Variants in SHISAL1 observed in about 807,000 individuals in gnomAD.
SHISAL1 encodes shisa like 1, also known as protein shisa-like-1.
Under a neutral mutation model 22.6 loss-of-function variants are expected in SHISAL1, and 9 were observed. The observed-to-expected ratio is 0.40, with a 90% confidence interval of 0.24 to 0.70. The LOEUF (loss-of-function observed/expected upper bound fraction) is 0.70. SHISAL1 is among the 30% of genes least tolerant of loss of function. The probability of loss-of-function intolerance (pLI) is 0.39; values close to 1 mark genes in which losing one functional copy is unlikely to be tolerated. For synonymous variants in SHISAL1, 119 were observed against 115.4 expected, an observed-to-expected ratio of 1.03 and a Z score of -0.20; for missense variants, 246 against 270.6, an observed-to-expected ratio of 0.91 and a Z score of 0.64.
intron 3 of SHISAL1, among the ~76,000 whole-genome samples, chr22:44,287,622 C>T (rs2055325371): frequency 6.6e-6 from 1 of 152,044 alleles, no homozygotes; most frequent in Admixed American, 6.5e-5. Context: ...GTGTAAATGA[C>T]TGACAGCCAG....
the SHISAL1 span, among the ~76,000 whole-genome samples, chr22:44,318,812 AC>A: frequency 6.6e-6 from 1 of 152,100 alleles, no homozygotes; most frequent in Non-Finnish European, 1.5e-5. Context: ...GCTGTTCATG[AC>A]CCTCGGGTGA....
In SHISAL1 at chr22:44,296,656, C is replaced by T; in HGVS notation, c.281+16G>A. On this transcript the variant is annotated intron_variant, in intron 3 of 4. Coordinates refer to ENST00000381176, the MANE Select transcript of SHISAL1 (RefSeq NM_001099294.2). Reference sequence around the variant, plus strand: ...GGCCCGAGGCAGTGGGGTTGCACCCCCAGAGTGGCACTCACTTGTGCATGT... The same window carrying T: ...GGCCCGAGGCAGTGGGGTTGCACCCTCAGAGTGGCACTCACTTGTGCATGT... The T allele has an allele frequency of 6.2e-7, 1 of 1,611,710 alleles. No homozygotes were observed. Among genetic ancestry groups the T allele is most frequent in the Non-Finnish European group, 8.5e-7 (1 of 1,178,872 alleles).
At chr22:44,287,692 C>T (rs2055325774) in intron 3 of SHISAL1, among the ~76,000 whole-genome samples, 1 of 152,198 alleles carries the variant, frequency 6.6e-6, no homozygotes, top group Non-Finnish European at 1.5e-5. Context: ...TTCCTGGAGG[C>T]ATCTGGATAT....
chr22:44,293,948 T>C (rs2055369648), intron 3 of SHISAL1, among the ~76,000 whole-genome samples: 1 of 152,218 alleles, frequency 6.6e-6, no homozygotes, highest in Non-Finnish European at 1.5e-5. Flanking sequence ...GTGTTCCGTG[T>C]GAAATCCTGT....
chr22:44,249,722 G>A, intron 4 of SHISAL1, 37 bp from the exon 5 acceptor site: 4 of 778,736 alleles, frequency 5.1e-6, no homozygotes, highest in Non-Finnish European at 9.6e-6. Context: ...ATCACATGGT[G>A]TCTCCTCCAT....
chr22:44,311,955 A>G (rs1324748939), intron 1 of SHISAL1, among the ~76,000 whole-genome samples: 1 of 152,226 alleles, frequency 6.6e-6, no homozygotes, highest in Non-Finnish European at 1.5e-5. Flanking sequence ...ACACAAAAAT[A>G]TCACATGAAG....
the SHISAL1 span, among the ~76,000 whole-genome samples, chr22:44,318,473 G>C: frequency 6.6e-6 from 1 of 152,236 alleles, no homozygotes; most frequent in East Asian, 1.9e-4. Flanking sequence ...GCGGAGGCTG[G>C]CCACAGCCAT....
the SHISAL1 span, among the ~76,000 whole-genome samples, chr22:44,330,048 C>T: frequency 2.0e-5 from 3 of 152,324 alleles, no homozygotes; most frequent in Admixed American, 6.5e-5. Flanking sequence ...CAGCCAGCAG[C>T]GAGATTCACA....
intron 4 of SHISAL1, among the ~76,000 whole-genome samples, chr22:44,264,879 G>A (rs1464989130): frequency 1.3e-5 from 2 of 151,114 alleles, no homozygotes; most frequent in African/African-American, 4.9e-5. Flanking sequence ...CGTGATCTTG[G>A]GCGAGGTCCC....
intron 3 of SHISAL1, among the ~76,000 whole-genome samples, chr22:44,295,968 T>C (rs113308427): frequency 6.6e-6 from 1 of 152,298 alleles, no homozygotes; most frequent in East Asian, 1.9e-4. Context: ...AAGAACTGCA[T>C]GGGATTAATC....
chr22:44,257,999 G>A (rs532724198), intron 4 of SHISAL1, among the ~76,000 whole-genome samples: 2 of 152,330 alleles, frequency 1.3e-5, no homozygotes, highest in African/African-American at 4.8e-5. Flanking sequence ...AATAAGCTGG[G>A]CATGGTGGCA....
chr22:44,322,986 TCATCCATC>T, the SHISAL1 span, among the ~76,000 whole-genome samples: 1 of 129,524 alleles, frequency 7.7e-6, no homozygotes, highest in African/African-American at 3.1e-5. Flanking sequence ...ACCCACCCAT[TCATCCATC>T]CATCCACCCA....
chr22:44,253,186 C>T (rs2055060905), intron 4 of SHISAL1, among the ~76,000 whole-genome samples: 1 of 151,694 alleles, frequency 6.6e-6, no homozygotes, highest in South Asian at 2.1e-4. Flanking sequence ...AGAAGCATAA[C>T]AAACAAATGC....
At chr22:44,303,531 C>T (rs975807621) in intron 1 of SHISAL1, among the ~76,000 whole-genome samples, 2 of 152,246 alleles carry the variant, frequency 1.3e-5, no homozygotes, top group South Asian at 2.1e-4. Flanking sequence ...AGATTGCCAG[C>T]GAACCCCCAG....
At chr22:44,257,870 G>C (rs140213012) in intron 4 of SHISAL1, among the ~76,000 whole-genome samples, 2 of 152,192 alleles carry the variant, frequency 1.3e-5, no homozygotes, top group East Asian at 3.8e-4. Flanking sequence ...GGCCAGGCAC[G>C]GTGGCTCACG....
chr22:44,259,724 G>A lies in SHISAL1; in HGVS notation c.*-10039C>T, dbSNP rs116664615. ...CGCCAGAATAGAGGAGATGACCCAAGGTTCTGCTGATCTTTGTGGTGGCTG... is the reference window on the plus strand; with the variant it reads ...CGCCAGAATAGAGGAGATGACCCAAAGTTCTGCTGATCTTTGTGGTGGCTG... On this transcript the variant is annotated intron_variant, in intron 4 of 4. Coordinates refer to ENST00000381176, the MANE Select transcript of SHISAL1 (RefSeq NM_001099294.2). Among the ~76,000 whole-genome samples, 1,306 of 152,274 alleles carry A rather than the reference G, an allele frequency of 8.6e-3. 19 individuals are homozygous for A. Among genetic ancestry groups the A allele is most frequent in the African/African-American group, 0.03 (1,242 of 41,542 alleles).
At chr22:44,259,991 G>A (rs918350867) in intron 4 of SHISAL1, among the ~76,000 whole-genome samples, 11 of 151,954 alleles carry the variant, frequency 7.2e-5, no homozygotes, top group African/African-American at 2.7e-4. Context: ...GCACCCTCTG[G>A]GATTCTCCCC....
chr22:44,296,463 G>A (rs2055386709), intron 3 of SHISAL1, among the ~76,000 whole-genome samples: 1 of 152,214 alleles, frequency 6.6e-6, no homozygotes, highest in Non-Finnish European at 1.5e-5. Flanking sequence ...CCTGGCCTCT[G>A]TGTCCATTTC....
chr22:44,250,606 G>A (rs1329261926), intron 4 of SHISAL1, among the ~76,000 whole-genome samples: 1 of 152,192 alleles, frequency 6.6e-6, no homozygotes, highest in Admixed American at 6.5e-5. Context: ...AAGCAGGGGT[G>A]GTCACATGAC....
Sources: gnomAD v4.1 joint callset for allele counts (sites outside exome capture counted in the v4.1 genomes callset) on GRCh38, gnomAD v4.1.1 for gene constraint, MANE v1.5 for transcripts, NCBI Gene and HGNC (gene_info 2026-07-23, HGNC 2026-07-21) for gene names.